The following STARD7 variants were observed in gnomAD, a reference collection of about 807,000 sequenced individuals.
STARD7 encodes the protein StAR related lipid transfer domain containing 7.
In STARD7, 30 loss-of-function variants were observed where a neutral mutation model predicts 45.3. That is an observed-to-expected ratio of 0.66 (90% CI 0.50 to 0.90). STARD7 has a LOEUF of 0.90. Among genes scored for constraint, STARD7 ranks in the 40% least tolerant of loss-of-function variants. The pLI, the probability that STARD7 is intolerant of heterozygous loss-of-function variation, is 0.00. For synonymous variants in STARD7, 199 were observed against 183.0 expected (o/e 1.09, Z -0.70); for missense variants, 495 against 491.3 (o/e 1.01, Z -0.07).
At chr2:96,197,104 A>ATAACATAACATACC (rs1558735868) in intron 1 of STARD7, among the ~76,000 whole-genome samples, 1 of 142,482 alleles carries the variant, frequency 7.0e-6, no homozygotes, top group Non-Finnish European at 1.6e-5. Context: ...AATAAAATAA[A>ATAACATAACATACC]ATAAAATAAA....
At position 96,208,371 on chromosome 2, in the gene STARD7, G is replaced by A; in HGVS notation, c.64C>T (p.Leu22Phe). ...AGTRGGGLLA[L>F]LANQCRFVTG... ...ACGAAGCGGCACTGATTGGCCAGAA[G>A]CGCCAGCAGGCCCCCGCCCCGCGTC... The change falls in exon 1 of 8, where the codon CTT becomes TTT. Residue 22 changes from leucine to phenylalanine, a missense_variant. Around this residue, in one of 2 missense-constraint regions of STARD7, gnomAD observed 282 missense variants for 220.1 expected, o/e 1.28. Coordinates refer to ENST00000337288, the MANE Select transcript of STARD7 (RefSeq NM_020151.4). The A allele has an allele frequency of 6.5e-7, 1 of 1,530,018 alleles. No homozygotes were observed. The highest frequency in any genetic ancestry group is 8.7e-7 in the Non-Finnish European group (1 of 1,149,072). The allele number at this position is 1,530,018 out of a possible 1,614,324, so 94.8% of individuals were successfully genotyped here.
At chr2:96,190,375 G>A (rs147395125) in intron 6 of STARD7, among the ~76,000 whole-genome samples, 3 of 140,786 alleles carry the variant, frequency 2.1e-5, no homozygotes, top group East Asian at 4.1e-4. Context: ...TCACTGTGTC[G>A]CCCACGCTGG....
intron 1 of STARD7, among the ~76,000 whole-genome samples, chr2:96,206,657 C>T (rs967223268): frequency 4.6e-5 from 7 of 150,974 alleles, no homozygotes; most frequent in African/African-American, 4.9e-5. Flanking sequence ...AAAAATTAGC[C>T]GGGCGTGGTG....
intron 1 of STARD7, among the ~76,000 whole-genome samples, chr2:96,205,392 C>T (rs1007308715): frequency 1.3e-4 from 20 of 152,342 alleles, no homozygotes; most frequent in African/African-American, 3.6e-4. Flanking sequence ...AAAAGACACC[C>T]TGCACATTCC....
rs1398229131 is a variant in STARD7, at chr2:96,186,719, C to T, written c.*11G>A. The T allele has an allele frequency of 6.3e-7, 1 of 1,598,424 alleles. No homozygotes were observed. Among genetic ancestry groups the T allele is most frequent in the South Asian group, 1.1e-5 (1 of 88,494 alleles). On this transcript the variant is annotated 3_prime_UTR_variant, in exon 8 of 8. Transcript: ENST00000337288. The stretch of plus-strand genomic sequence containing the variant: ...CTAGAAGCACCTTGTCCCTTCTTAT[C>T]CCAAAGCCTGTCAAGCATACTCAAT...
rs1683184251 is a variant in STARD7 at position 96,195,290 on chromosome 2, C to T, written c.499+51G>A. On this transcript the variant is annotated intron_variant, in intron 2 of 7. Transcript: ENST00000337288. ...TAGAGAAGTATGAAGAACAGAAATC[C>T]CATGCACCTGTGCAACTATGGAACC... is the stretch of plus-strand genomic sequence containing the variant. 3.5e-6 allele frequency: 5 copies of T among 1,424,042 alleles called. No individual in the cohort carries two copies. In the Admixed American group the frequency reaches 5.9e-5, roughly 17 times the overall value. The allele number at this position is 1,424,042 out of a possible 1,614,324, so 88.2% of individuals were successfully genotyped here.
intron 1 of STARD7, among the ~76,000 whole-genome samples, chr2:96,204,459 G>A (rs1156237261): frequency 6.6e-6 from 1 of 151,916 alleles, no homozygotes; most frequent in African/African-American, 2.4e-5. Flanking sequence ...GGAGGCTGAG[G>A]CAGGAGAATC....
intron 1 of STARD7, among the ~76,000 whole-genome samples, chr2:96,199,789 G>GT (rs922700724): frequency 1.3e-5 from 2 of 152,132 alleles, no homozygotes; most frequent in African/African-American, 4.8e-5. Flanking sequence ...TGTTAGCTAT[G>GT]TTTTTTGTAG....
intron 3 of STARD7, among the ~76,000 whole-genome samples, chr2:96,194,057 A>G (rs1683166801): frequency 6.6e-6 from 1 of 152,234 alleles, no homozygotes. Context: ...GATACTCTTC[A>G]TCTTTATGAA....
At position 96,193,166 on chromosome 2, in the gene STARD7, G is replaced by C; in HGVS notation, c.661-6C>G. 6.2e-7 allele frequency: 1 copy of C among 1,608,488 alleles called. No homozygotes were observed. The highest frequency in any genetic ancestry group is 1.1e-5 in the South Asian group (1 of 90,946). Reference sequence around the variant, plus strand: ...TCCCGTGAGTACATTGGATACTAAAGAAATGGAGGAGCAGGATTAGTGTTC... The same window carrying C: ...TCCCGTGAGTACATTGGATACTAAACAAATGGAGGAGCAGGATTAGTGTTC... On this transcript the variant is annotated splice_polypyrimidine_tract_variant and splice_region_variant and intron_variant, in intron 4 of 7. Transcript: ENST00000337288.
Position 96,208,802 on chromosome 2 carries a change from GCTCCCGCGC to G in STARD7, c.-377_-369del. On this transcript the variant is annotated 5_prime_UTR_variant, in exon 1 of 8. Coordinates refer to ENST00000337288, the MANE Select transcript of STARD7 (RefSeq NM_020151.4). Reference sequence around the variant, plus strand: ...ACAGCTCAGGCCCAGCAGCACGCAAGCTCCCGCGCCTTCCGCGACTGCCACACGCGCGGC... The same window carrying G: ...ACAGCTCAGGCCCAGCAGCACGCAAGCTTCCGCGACTGCCACACGCGCGGC... The G allele has an allele frequency of 2.5e-6, 1 of 402,414 alleles. No homozygotes were observed. Among genetic ancestry groups the G allele is most frequent in the Middle Eastern group, 3.1e-4 (1 of 3,212 alleles). The allele number at this position is 402,414 out of a possible 1,614,324, so 24.9% of individuals were successfully genotyped here. A position where few individuals can be genotyped will look rare whatever the true frequency, so the allele number is the denominator to read the frequency against.
chr2:96,204,682 T>C (rs976033016), intron 1 of STARD7, among the ~76,000 whole-genome samples: 3 of 148,774 alleles, frequency 2.0e-5, no homozygotes, highest in African/African-American at 7.4e-5. Flanking sequence ...TCTAATTTTA[T>C]GTAGCTCTGA....
chr2:96,193,118 T>A lies in STARD7; in HGVS notation c.703A>T (p.Ser235Cys). ...SRDYVYVRRY[S>C]VDQENNMMVL... ...ATCATGTTGTTTTCCTGATCCACAC[T>A]ATACCGCCGAACATAAACATAATCC... The change falls in exon 5 of 8, where the codon AGT becomes TGT. Residue 235 changes from serine (S) to cysteine (C), a missense_variant. By Grantham distance (112) the Ser-to-Cys change is moderately radical (BLOSUM62 -1). Coordinates refer to ENST00000337288, the MANE Select transcript of STARD7 (RefSeq NM_020151.4). 1 of 1,613,856 alleles carries A rather than the reference T, an allele frequency of 6.2e-7. No homozygotes were observed. The highest frequency in any genetic ancestry group is 8.5e-7 in the Non-Finnish European group (1 of 1,179,754).
chr2:96,192,357 G>A lies in STARD7; in HGVS notation c.843+12C>T, dbSNP rs765965892. The A allele has an allele frequency of 3.1e-6, 5 of 1,596,882 alleles. No homozygotes were observed. Among genetic ancestry groups the A allele is most frequent in the Non-Finnish European group, 4.3e-6 (5 of 1,164,424 alleles). ...CCATGACATGTTATCTCTTGGATGA[G>A]GTAAAACTCACCTCATCAAATGACT... On this transcript the variant is annotated intron_variant, in intron 6 of 7. Transcript: ENST00000337288.
At chr2:96,207,170 C>T (rs1005238091) in intron 1 of STARD7, among the ~76,000 whole-genome samples, 1 of 152,238 alleles carries the variant, frequency 6.6e-6, no homozygotes, top group African/African-American at 2.4e-5. Flanking sequence ...CTGGGTGTTA[C>T]ACCTCCCACA....
chr2:96,193,461 A>G, intron 3 of STARD7, 109 bp from the exon 4 acceptor site: 1 of 751,938 alleles, frequency 1.3e-6, no homozygotes, highest in Non-Finnish European at 2.4e-6. Context: ...ACAAGGAGAG[A>G]GTAATCTGAC....
At chr2:96,186,981 C>T in intron 7 of STARD7, 67 bp from the exon 8 acceptor site, 3 of 1,442,636 alleles carry the variant, frequency 2.1e-6, no homozygotes, top group Non-Finnish European at 2.8e-6. Context: ...ATGAGAAGAC[C>T]CTATTTCTTT....
intron 7 of STARD7, 22 bp from the exon 8 acceptor site, chr2:96,186,936 G>A (rs1354597671): frequency 5.0e-6 from 8 of 1,599,790 alleles, no homozygotes; most frequent in Admixed American, 1.7e-5. Flanking sequence ...CGAGAATCAG[G>A]TTAAGCTGAC....
At chr2:96,207,041 ATTATT>A (rs1464972404) in intron 1 of STARD7, among the ~76,000 whole-genome samples, 1 of 152,146 alleles carries the variant, frequency 6.6e-6, no homozygotes, top group Non-Finnish European at 1.5e-5. Context: ...GTTTGTGGTT[ATTATT>A]TTAAGTTGCA....
Sources: allele counts gnomAD v4.1 joint callset (sites outside exome capture counted in the v4.1 genomes callset), GRCh38; gene constraint gnomAD v4.1.1; regional missense constraint gnomAD v4.1.1; transcripts MANE v1.5; gene names NCBI Gene and HGNC (gene_info 2026-07-23, HGNC 2026-07-21).